Variants in ARHGAP23 observed in about 807,000 individuals in gnomAD.
ARHGAP23 encodes the protein rho GTPase-activating protein 23.
In ARHGAP23, 34 loss-of-function variants were observed where a neutral mutation model predicts 136.3. The ratio of observed to expected loss-of-function variants is 0.25; its 90% CI spans 0.19 to 0.33. ARHGAP23 has a LOEUF of 0.33. Ranked by LOEUF, ARHGAP23 falls within the 10% of genes least tolerant of loss-of-function variation. ARHGAP23 has a pLI of 1.00. For missense variants in ARHGAP23, 1,808 were observed against 2,139.0 expected (o/e 0.85, Z 3.05); for synonymous variants, 832 against 920.5 (o/e 0.90, Z 1.74).
chr17:38,458,339 T>C, intron 2 of ARHGAP23, 76 bp downstream of exon 2: 1 of 1,435,028 alleles, frequency 7.0e-7, no homozygotes, highest in Non-Finnish European at 9.2e-7. Context: ...CCAGTCCCCT[T>C]CATGGTCCTT....
rs1253091962 is a variant in ARHGAP23, at chr17:38,510,720, G to C, written c.4224G>C (p.Val1408=). Residue 1408 remains valine (V), a synonymous_variant, in exon 24 of 24, where the codon GTG becomes GTC. Coordinates refer to ENST00000622683, the MANE Select transcript of ARHGAP23 (RefSeq NM_001199417.2). This position sits in a 1 kb window ranked among gnomAD's most constrained non-coding sequence, Gnocchi z 4.6. ...RRRSSWRRHT[V]VVQSPLTDLN... ...GGAGCAGCTGGCGCCGCCACACCGT[G>C]GTGGTGCAGAGCCCGCTGACTGACC... 2 of 1,462,266 alleles carry C rather than the reference G, an allele frequency of 1.4e-6. No individual in the cohort carries two copies. Among genetic ancestry groups the C allele is most frequent in the Admixed American group, 2.9e-5 (1 of 34,822 alleles). 90.6% of individuals were successfully genotyped at this position (1,462,266 alleles called of 1,614,324 possible). A position where few individuals can be genotyped will look rare whatever the true frequency, so the allele number is the denominator to read the frequency against.
intron 11 of ARHGAP23, among the ~76,000 whole-genome samples, chr17:38,473,890 G>A (rs553528783): frequency 1.1e-4 from 17 of 152,258 alleles, no homozygotes; most frequent in African/African-American, 3.4e-4. Flanking sequence ...TGATACCCAG[G>A]AAGAGCCTGT....
In ARHGAP23 at chr17:38,466,064, C is replaced by T. The variant is rs535168335; in HGVS notation, c.484-103C>T. ...CGTTCCCCCCACCGCTTGGTCCTCT[C>T]CCTTCATTTCCCTCCTGGGCTCCTT... On this transcript the variant is annotated intron_variant, in intron 6 of 23. Coordinates refer to ENST00000622683, the MANE Select transcript of ARHGAP23 (RefSeq NM_001199417.2). 4.5e-5 allele frequency: 43 copies of T among 965,498 alleles called. No homozygotes were observed. In the African/African-American group the frequency reaches 6.1e-4, roughly 14 times the overall value. The allele number at this position is 965,498 out of a possible 1,614,324, so 59.8% of individuals were successfully genotyped here.
At position 38,467,351 on chromosome 17, in the gene ARHGAP23, G is replaced by A. The variant is rs2039635188; in HGVS notation, c.1648+20G>A. The A allele has an allele frequency of 4.1e-6, 6 of 1,460,310 alleles. No homozygotes were observed. In the East Asian group the frequency reaches 1.5e-4, roughly 36 times the overall value. 90.5% of individuals were successfully genotyped at this position (1,460,310 alleles called of 1,614,324 possible). On this transcript the variant is annotated intron_variant, in intron 7 of 23. Transcript: ENST00000622683. Reference sequence around the variant, plus strand: ...TTATTGGTGAGTGATGGTACATGTGGCTGTCCTGGGGGACTTAGCTGTCGG... The same window carrying A: ...TTATTGGTGAGTGATGGTACATGTGACTGTCCTGGGGGACTTAGCTGTCGG...
chr17:38,490,912 T>TTTTG (rs1306669286), intron 19 of ARHGAP23, among the ~76,000 whole-genome samples: 29 of 152,112 alleles, frequency 1.9e-4, no homozygotes, highest in African/African-American at 5.6e-4. Context: ...ATTTTTTGTG[T>TTTTG]TTTGTTTGTT....
intron 1 of ARHGAP23, among the ~76,000 whole-genome samples, chr17:38,422,394 G>C (rs1250844361): frequency 6.6e-6 from 1 of 152,206 alleles, no homozygotes; most frequent in African/African-American, 2.4e-5. Context: ...TTTTTGTAAG[G>C]CATCTTTGAG....
rs990753286 is a variant in ARHGAP23, at chr17:38,462,783, G to A, written c.254-63G>A. The A allele has an allele frequency of 3.4e-6, 4 of 1,159,874 alleles. No individual in the cohort carries two copies. The African/African-American group carries it at 4.7e-5, about 14-fold the overall frequency. The allele number at this position is 1,159,874 out of a possible 1,614,324, so 71.8% of individuals were successfully genotyped here. On this transcript the variant is annotated intron_variant, in intron 3 of 23. Coordinates refer to ENST00000622683, the MANE Select transcript of ARHGAP23 (RefSeq NM_001199417.2). ...CTCTGAGTGTGTGTCCCCTGTGTGT[G>A]TAGCTGTGCATGGGTGTGACCTTCC...
chr17:38,456,879 T>C (rs142958152), intron 1 of ARHGAP23, among the ~76,000 whole-genome samples: 1 of 152,010 alleles, frequency 6.6e-6, no homozygotes, highest in Non-Finnish European at 1.5e-5. Flanking sequence ...TTTTGGGAGG[T>C]CTGACAGGAG....
intron 6 of ARHGAP23, among the ~76,000 whole-genome samples, chr17:38,465,368 TGTG>T (rs1294251357): frequency 1.3e-5 from 2 of 151,500 alleles, no homozygotes; most frequent in Non-Finnish European, 2.9e-5. Context: ...CTCCTTGTAG[TGTG>T]GTGTGTGTGT....
rs2039441289 is a variant in ARHGAP23 at position 38,460,799 on chromosome 17, A to G, written c.226-106A>G. 4 of 1,534,402 alleles carry G rather than the reference A, an allele frequency of 2.6e-6. No homozygotes were observed. In the East Asian group the frequency reaches 7.3e-5, roughly 28 times the overall value. The stretch of plus-strand genomic sequence containing the variant: ...CCCCTGCTGGGCTACTTGGGAGGAG[A>G]TAAGGGGTGGCGGGAACCTGAAGGG... On this transcript the variant is annotated intron_variant, in intron 2 of 23. Transcript: ENST00000622683.
chr17:38,452,652 G>A (rs976715288), intron 1 of ARHGAP23, among the ~76,000 whole-genome samples: 6 of 152,174 alleles, frequency 3.9e-5, no homozygotes, highest in African/African-American at 1.4e-4. Context: ...AATGGCCCCG[G>A]GCCACAGTAA....
upstream of ARHGAP23, among the ~76,000 whole-genome samples, chr17:38,425,655 G>C (rs940163698): frequency 6.6e-6 from 1 of 152,102 alleles, no homozygotes; most frequent in African/African-American, 2.4e-5. Context: ...TCCCCATGTT[G>C]GGCTCTATGG....
intron 10 of ARHGAP23, among the ~76,000 whole-genome samples, chr17:38,470,884 C>T (rs2039737122): frequency 6.6e-6 from 1 of 152,120 alleles, no homozygotes; most frequent in African/African-American, 2.4e-5. Flanking sequence ...GGATTACAGG[C>T]ATAAGCCATC....
chr17:38,421,998 G>A (rs565944772), intron 1 of ARHGAP23, among the ~76,000 whole-genome samples: 6 of 152,346 alleles, frequency 3.9e-5, no homozygotes, highest in African/African-American at 1.2e-4. Context: ...GGGACCAGGT[G>A]GGGCTGGGCA....
At chr17:38,506,710 A>G (rs2040641790) in intron 23 of ARHGAP23, among the ~76,000 whole-genome samples, 1 of 152,170 alleles carries the variant, frequency 6.6e-6, no homozygotes, top group South Asian at 2.1e-4. Flanking sequence ...AATCCCATCA[A>G]AAGGTCCCAC....
chr17:38,462,612 C>T (rs186036739), intron 3 of ARHGAP23, among the ~76,000 whole-genome samples: 102 of 152,314 alleles, frequency 6.7e-4, no homozygotes, highest in African/African-American at 2.3e-3. Flanking sequence ...GAGGTGTTTA[C>T]GGAGTGACTC....
In ARHGAP23 at chr17:38,511,080, G is replaced by A; in HGVS notation, c.*108G>A. 1 of 1,177,574 alleles carries A rather than the reference G, an allele frequency of 8.5e-7. No homozygotes were observed. The highest frequency in any genetic ancestry group is 1.1e-6 in the Non-Finnish European group (1 of 899,814). The allele number at this position is 1,177,574 out of a possible 1,614,324, so 72.9% of individuals were successfully genotyped here. A position where few individuals can be genotyped will look rare whatever the true frequency, so the allele number is the denominator to read the frequency against. Reference sequence around the variant, plus strand: ...CTTCTGTGGCCCCTGGGTGCATGGTGTGGGTGGAGGGCGCAGCAGGCAGTG... The same window carrying A: ...CTTCTGTGGCCCCTGGGTGCATGGTATGGGTGGAGGGCGCAGCAGGCAGTG... On this transcript the variant is annotated 3_prime_UTR_variant, in exon 24 of 24. Coordinates refer to ENST00000622683, the MANE Select transcript of ARHGAP23 (RefSeq NM_001199417.2).
chr17:38,506,970 T>C (rs1391727389), intron 23 of ARHGAP23, among the ~76,000 whole-genome samples: 2 of 152,000 alleles, frequency 1.3e-5, no homozygotes, highest in Non-Finnish European at 2.9e-5. Flanking sequence ...ATGAATACAC[T>C]GGACAAAAGA....
chr17:38,459,284 C>T (rs2039404090), intron 2 of ARHGAP23, among the ~76,000 whole-genome samples: 1 of 152,168 alleles, frequency 6.6e-6, no homozygotes, highest in South Asian at 2.1e-4. Flanking sequence ...CTGTGTGCAT[C>T]GCGTGCTGGC....
Sources: allele counts gnomAD v4.1 joint callset (sites outside exome capture counted in the v4.1 genomes callset), GRCh38; gene constraint gnomAD v4.1.1; non-coding constraint Gnocchi (gnomAD v3.1); transcripts MANE v1.5; gene names NCBI Gene and HGNC (gene_info 2026-07-23, HGNC 2026-07-21).